Variants in PAPPA observed in about 807,000 individuals in gnomAD.
The protein encoded by PAPPA is pappalysin-1.
In PAPPA, 60 loss-of-function variants were observed where a neutral mutation model predicts 164.0. That is an observed-to-expected ratio of 0.37 (90% confidence interval 0.30 to 0.45). The LOEUF (loss-of-function observed/expected upper bound fraction) is 0.45. PAPPA is among the 20% of genes least tolerant of loss of function. The pLI, the probability that PAPPA is intolerant of heterozygous loss-of-function variation, is 1.00. For missense variants in PAPPA, 1,782 were observed against 2,087.3 expected (o/e 0.85, Z 2.85); for synonymous variants, 875 against 814.1 (o/e 1.07, Z -1.27).
intron 2 of PAPPA, among the ~76,000 whole-genome samples, chr9:116,203,195 A>G (rs1017450577): frequency 1.3e-5 from 2 of 152,224 alleles, no homozygotes; most frequent in Non-Finnish European, 1.5e-5. Flanking sequence ...AATTGCTGCT[A>G]TACACAAGTG....
At chr9:116,356,578 A>C (rs563940474) in intron 17 of PAPPA, among the ~76,000 whole-genome samples, 1 of 152,348 alleles carries the variant, frequency 6.6e-6, no homozygotes, top group East Asian at 1.9e-4. Context: ...GCATATGGCT[A>C]GCCAGTTTTC....
intron 18 of PAPPA, among the ~76,000 whole-genome samples, chr9:116,364,403 C>T (rs1846471920): frequency 6.6e-6 from 1 of 152,158 alleles, no homozygotes; most frequent in South Asian, 2.1e-4. Context: ...AAACGCATGC[C>T]ACATGCTGAA....
chr9:116,242,903 A>G (rs933890056), intron 7 of PAPPA, among the ~76,000 whole-genome samples: 1 of 152,200 alleles, frequency 6.6e-6, no homozygotes, highest in African/African-American at 2.4e-5. Context: ...CTTCTCATTG[A>G]CATTTCTGTT....
chr9:116,185,003 A>G (rs141674987), intron 1 of PAPPA, among the ~76,000 whole-genome samples: 1 of 152,326 alleles, frequency 6.6e-6, no homozygotes, highest in African/African-American at 2.4e-5. Context: ...AGCACATGTC[A>G]AGTTTCCTAA....
At chr9:116,213,619 C>T (rs1018304741) in intron 4 of PAPPA, among the ~76,000 whole-genome samples, 18 of 152,158 alleles carry the variant, frequency 1.2e-4, no homozygotes, top group African/African-American at 3.9e-4. Context: ...TTGCCGGCCT[C>T]TTAGGGGCTA....
chr9:116,292,509 G>C (rs1286113032), intron 9 of PAPPA, among the ~76,000 whole-genome samples: 2 of 152,158 alleles, frequency 1.3e-5, no homozygotes, highest in African/African-American at 2.4e-5. Context: ...AAAAAAGTAG[G>C]ACAGATGACT....
At position 116,219,975 on chromosome 9, in the gene PAPPA, G is replaced by T. The variant is rs913163445; in HGVS notation, c.1957G>T (p.Ala653Ser). Residue 653 changes from alanine (A) to serine (S), a missense_variant, in exon 5 of 22, where the codon GCC becomes TCC. Around this residue, in one of 2 missense-constraint regions of PAPPA, gnomAD observed 1,324 missense variants for 1,656.9 expected, o/e 0.80. Coordinates refer to ENST00000328252, the MANE Select transcript of PAPPA (RefSeq NM_002581.5). ...GGACTCCTTCACGCCCAATCAAGTCGCCAGAATGCACTGTTACCTGGACCT... is the reference window on the plus strand; with the variant it reads ...GGACTCCTTCACGCCCAATCAAGTCTCCAGAATGCACTGTTACCTGGACCT... Reference protein sequence around the residue: ...CTDSFTPNQVARMHCYLDLVY... With the variant: ...CTDSFTPNQVSRMHCYLDLVY... The T allele has an allele frequency of 3.1e-6, 5 of 1,613,832 alleles. No individual in the cohort carries two copies. The highest frequency in any genetic ancestry group is 2.2e-5 in the East Asian group (1 of 44,872).
intron 1 of PAPPA, among the ~76,000 whole-genome samples, chr9:116,177,736 A>C (rs776261266): frequency 5.3e-5 from 8 of 152,094 alleles, no homozygotes; most frequent in Non-Finnish European, 1.2e-4. Context: ...CGAAGGAAAG[A>C]TCTCTCTTCC....
At chr9:116,209,334 G>A (rs1030959802) in intron 3 of PAPPA, among the ~76,000 whole-genome samples, 1 of 152,106 alleles carries the variant, frequency 6.6e-6, no homozygotes, top group Non-Finnish European at 1.5e-5. Context: ...AGGTCTCAAT[G>A]TCCTTCAATA....
intron 8 of PAPPA, among the ~76,000 whole-genome samples, chr9:116,269,682 A>T (rs147488501): frequency 3.3e-5 from 5 of 152,336 alleles, no homozygotes; most frequent in Non-Finnish European, 5.9e-5. Context: ...TATTTTGTTT[A>T]AACCAGTAGA....
intron 2 of PAPPA, among the ~76,000 whole-genome samples, chr9:116,191,675 C>T (rs1246539303): frequency 1.3e-5 from 2 of 152,074 alleles, no homozygotes; most frequent in Non-Finnish European, 2.9e-5. Context: ...ACTAGGAAAA[C>T]AAGGCAAATC....
At chr9:116,172,359 G>T (rs1843784349) in intron 1 of PAPPA, among the ~76,000 whole-genome samples, 1 of 152,100 alleles carries the variant, frequency 6.6e-6, no homozygotes, top group Non-Finnish European at 1.5e-5. Flanking sequence ...TTCCCTCGTT[G>T]CTTCCACCAG....
intron 8 of PAPPA, among the ~76,000 whole-genome samples, chr9:116,269,476 C>A (rs532943920): frequency 6.6e-6 from 1 of 152,272 alleles, no homozygotes; most frequent in Non-Finnish European, 1.5e-5. Flanking sequence ...CAAATTACAG[C>A]CTCTTATAAG....
chr9:116,341,800 TC>T (rs1055372020), intron 13 of PAPPA, among the ~76,000 whole-genome samples: 1 of 152,166 alleles, frequency 6.6e-6, no homozygotes, highest in African/African-American at 2.4e-5. Flanking sequence ...CTGTTGACAA[TC>T]CTAAGAAACA....
At chr9:116,168,987 A>G (rs919689321) in intron 1 of PAPPA, among the ~76,000 whole-genome samples, 3 of 152,330 alleles carry the variant, frequency 2.0e-5, no homozygotes, top group African/African-American at 7.2e-5. Context: ...ACAATGTTAA[A>G]TGAACGAACA....
chr9:116,239,487 T>C (rs1484153274), intron 7 of PAPPA, among the ~76,000 whole-genome samples: 1 of 152,122 alleles, frequency 6.6e-6, no homozygotes, highest in Admixed American at 6.6e-5. Context: ...TACTTTTTTG[T>C]AGTAAAAGGA....
At chr9:116,394,026 T>C (rs1319776853) in intron 21 of PAPPA, among the ~76,000 whole-genome samples, 1 of 152,118 alleles carries the variant, frequency 6.6e-6, no homozygotes, top group East Asian at 1.9e-4. Context: ...AAACCATCCC[T>C]CATGGGTGTT....
intron 9 of PAPPA, among the ~76,000 whole-genome samples, chr9:116,285,171 C>CTTTTTTTTTTTTTTTTTTTTTTTTTTTT: frequency 6.7e-5 from 6 of 89,484 alleles, no homozygotes; most frequent in Admixed American, 1.4e-4. Context: ...TTCTTTCTTT[C>CTTTTTTTTTTTTTTTTTTTTTTTTTTTT]TTTTTTTTTT....
chr9:116,297,144 C>T lies in PAPPA; in HGVS notation c.2954-5613C>T, dbSNP rs138959983. Among the ~76,000 whole-genome samples the T allele has an allele frequency of 5.9e-5, 9 of 152,280 alleles. No homozygotes were observed. In the East Asian group the frequency reaches 1.7e-3, roughly 29 times the overall value. Reference sequence around the variant, plus strand: ...TGCTGGGATTACAGGCATGAGCCACCATGTCTGGCAGAAAATGACCTTCTA... The same window carrying T: ...TGCTGGGATTACAGGCATGAGCCACTATGTCTGGCAGAAAATGACCTTCTA... On this transcript the variant is annotated intron_variant, in intron 9 of 21. Transcript: ENST00000328252.
Sources: gnomAD v4.1 joint callset for allele counts (sites outside exome capture counted in the v4.1 genomes callset) on GRCh38, gnomAD v4.1.1 for gene constraint, gnomAD v4.1.1 regional missense constraint, MANE v1.5 for transcripts, NCBI Gene and HGNC (gene_info 2026-07-23, HGNC 2026-07-21) for gene names.